Variants in CAP2 observed in about 807,000 individuals in gnomAD.
CAP2 encodes adenylyl cyclase-associated protein 2.
A neutral mutation model predicts 57.7 loss-of-function variants in CAP2; 24 were observed. That is an observed-to-expected ratio of 0.42 (90% CI 0.30 to 0.58). CAP2 has a LOEUF of 0.58. Among genes scored for constraint, CAP2 ranks in the 20% least tolerant of loss-of-function variants. CAP2 has a pLI of 0.22. For missense variants in CAP2, 501 were observed against 590.3 expected (o/e 0.85, Z 1.57); for synonymous variants, 194 against 207.2 (o/e 0.94, Z 0.55).
At chr6:17,438,106 G>A (rs926049478) in intron 3 of CAP2, among the ~76,000 whole-genome samples, 4 of 146,888 alleles carry the variant, frequency 2.7e-5, no homozygotes, top group Non-Finnish European at 2.9e-5. Context: ...GGTGGCTCAG[G>A]CCTGTAATCC....
chr6:17,508,755 CTTT>C (rs10635657), intron 6 of CAP2, among the ~76,000 whole-genome samples: 1 of 145,016 alleles, frequency 6.9e-6, no homozygotes. Flanking sequence ...AATTCACCTT[CTTT>C]TTTTTTTTTT....
chr6:17,534,827 G>A (rs1015622191), intron 7 of CAP2, among the ~76,000 whole-genome samples: 5 of 152,272 alleles, frequency 3.3e-5, no homozygotes, highest in Admixed American at 6.5e-5. Context: ...CTGAGGGGTC[G>A]TGTTTTTCAA....
chr6:17,445,863 G>A (rs1042117859), intron 3 of CAP2, among the ~76,000 whole-genome samples: 2 of 152,166 alleles, frequency 1.3e-5, no homozygotes, highest in African/African-American at 4.8e-5. Flanking sequence ...CAGCACCGCC[G>A]CACGTGCTGT....
chr6:17,423,381 C>A (rs1759497190), intron 2 of CAP2, among the ~76,000 whole-genome samples: 1 of 152,186 alleles, frequency 6.6e-6, no homozygotes, highest in African/African-American at 2.4e-5. Context: ...AACTGAGACA[C>A]ATCTATGATT....
intron 3 of CAP2, among the ~76,000 whole-genome samples, chr6:17,450,244 G>C (rs1852969): frequency 3.3e-5 from 5 of 151,770 alleles, no homozygotes; most frequent in African/African-American, 9.7e-5. Context: ...GTAGAGACGG[G>C]GTTTCACCAT....
At chr6:17,496,773 C>A (rs1023796606) in intron 4 of CAP2, among the ~76,000 whole-genome samples, 1 of 152,206 alleles carries the variant, frequency 6.6e-6, no homozygotes, top group Admixed American at 6.5e-5. Flanking sequence ...GATATCTTAA[C>A]ACTCACAGGG....
intron 12 of CAP2, among the ~76,000 whole-genome samples, chr6:17,552,324 T>C (rs569884107): frequency 1.3e-5 from 2 of 152,278 alleles, no homozygotes; most frequent in East Asian, 3.9e-4. Context: ...GTGTGATGGA[T>C]CTGCTAGTTG....
intron 3 of CAP2, among the ~76,000 whole-genome samples, chr6:17,451,149 T>C (rs1361502937): frequency 6.6e-6 from 1 of 151,882 alleles, no homozygotes; most frequent in Non-Finnish European, 1.5e-5. Context: ...CCGAGAATTG[T>C]GTTAAGGGAG....
At chr6:17,450,012 G>T (rs1760361808) in intron 3 of CAP2, among the ~76,000 whole-genome samples, 1 of 151,648 alleles carries the variant, frequency 6.6e-6, no homozygotes, top group Admixed American at 6.6e-5. Flanking sequence ...ACAACCCACA[G>T]AAATCATCCT....
intron 3 of CAP2, among the ~76,000 whole-genome samples, chr6:17,461,634 A>C (rs1232363367): frequency 6.6e-6 from 1 of 152,148 alleles, no homozygotes; most frequent in African/African-American, 2.4e-5. Flanking sequence ...AAAAATGCCA[A>C]AATGGTTAAT....
intron 4 of CAP2, chr6:17,493,294 C>CT (rs200946657): frequency 0.012 from 2,798 of 225,190 alleles, 39 homozygotes; most frequent in Non-Finnish European, 0.019. Flanking sequence ...AAATAAGCCA[C>CT]TTAAATAGTG....
At chr6:17,434,592 G>A (rs1313296524) in intron 3 of CAP2, among the ~76,000 whole-genome samples, 3 of 152,282 alleles carry the variant, frequency 2.0e-5, no homozygotes, top group African/African-American at 4.8e-5. Flanking sequence ...AAAGCACCAC[G>A]TGTACTTTGT....
intron 4 of CAP2, among the ~76,000 whole-genome samples, chr6:17,473,550 C>G (rs1197326170): frequency 6.6e-6 from 1 of 152,124 alleles, no homozygotes; most frequent in Non-Finnish European, 1.5e-5. Context: ...ATATTTTGAC[C>G]TTTTATTTGG....
rs144707870 is a variant in CAP2, at chr6:17,431,130, A to G, written c.222+4440A>G. ...AACACGTGGTCACAAAGAAGGGGAC[A>G]ATAGACAGTGGGCCAACTGGAGGGT... On this transcript the variant is annotated intron_variant, in intron 3 of 12. Coordinates refer to ENST00000229922, the MANE Select transcript of CAP2 (RefSeq NM_006366.3). Among the ~76,000 whole-genome samples the G allele has an allele frequency of 4.3e-4, 66 of 152,284 alleles. 1 individual carries two copies. The East Asian group carries it at 0.012, about 28-fold the overall frequency.
chr6:17,418,892 A>G (rs973267916), intron 1 of CAP2, among the ~76,000 whole-genome samples: 4 of 151,942 alleles, frequency 2.6e-5, no homozygotes, highest in African/African-American at 4.8e-5. Flanking sequence ...TTTTCCTTCA[A>G]TTGCGATGGA....
chr6:17,421,152 T>G (rs897585086), intron 1 of CAP2, among the ~76,000 whole-genome samples: 2 of 152,122 alleles, frequency 1.3e-5, no homozygotes, highest in African/African-American at 2.4e-5. Flanking sequence ...AAACCAAATA[T>G]CATATGTTCC....
intron 7 of CAP2, chr6:17,531,679 G>A: frequency 1.3e-6 from 1 of 782,132 alleles, no homozygotes; most frequent in South Asian, 1.7e-5. Context: ...GTTAAAAATG[G>A]GTAAGAACAC....
intron 3 of CAP2, among the ~76,000 whole-genome samples, chr6:17,455,539 C>CT (rs1368705499): frequency 1.3e-3 from 186 of 144,992 alleles, no homozygotes; most frequent in Middle Eastern, 3.6e-3. Flanking sequence ...CTGCTCTAAA[C>CT]TTTTTTTTTT....
chr6:17,462,904 G>A, intron 3 of CAP2, 92 bp from the exon 4 acceptor site: 1 of 893,706 alleles, frequency 1.1e-6, no homozygotes, highest in African/African-American at 1.7e-5. Flanking sequence ...CATTTTTCTT[G>A]GGTATATACC....
Sources: allele counts gnomAD v4.1 joint callset (sites outside exome capture counted in the v4.1 genomes callset), GRCh38; gene constraint gnomAD v4.1.1; transcripts MANE v1.5; gene names NCBI Gene and HGNC (gene_info 2026-07-23, HGNC 2026-07-21).